Variants in EDIL3 observed in about 807,000 individuals in gnomAD.
EDIL3 encodes EGF-like repeat and discoidin I-like domain-containing protein 3.
In EDIL3, 37 loss-of-function variants were observed where a neutral mutation model predicts 67.4. The observed-to-expected ratio is 0.55, with a 90% CI of 0.42 to 0.72. The LOEUF is 0.72. EDIL3 is among the 30% of genes least tolerant of loss of function. The probability of loss-of-function intolerance (pLI) is 0.00; values close to 1 mark genes in which losing one functional copy is unlikely to be tolerated. For missense variants in EDIL3, 527 were observed against 586.3 expected (o/e 0.90, Z 1.04); for synonymous variants, 195 against 196.3 (o/e 0.99, Z 0.05).
chr5:83,961,744 ATAGT>A (rs2112128179), intron 10 of EDIL3, among the ~76,000 whole-genome samples: 1 of 151,482 alleles, frequency 6.6e-6, no homozygotes, highest in East Asian at 1.9e-4. Context: ...AGGAAGTGAA[ATAGT>A]TATTTGCAAT....
chr5:84,287,774 T>C (rs966120593), intron 1 of EDIL3, among the ~76,000 whole-genome samples: 3 of 152,126 alleles, frequency 2.0e-5, no homozygotes. Flanking sequence ...ACATTTTCTT[T>C]ACTTGGTTTC....
intron 1 of EDIL3, among the ~76,000 whole-genome samples, chr5:84,259,999 C>T (rs185492934): frequency 6.6e-6 from 1 of 152,240 alleles, no homozygotes. Context: ...TACTGAGAAT[C>T]AGGTAGAAAG....
At chr5:84,346,381 T>C (rs908209043) in intron 1 of EDIL3, among the ~76,000 whole-genome samples, 1 of 152,148 alleles carries the variant, frequency 6.6e-6, no homozygotes, top group Non-Finnish European at 1.5e-5. Context: ...CATGAAAGAA[T>C]GGGCTTGGCT....
intron 3 of EDIL3, among the ~76,000 whole-genome samples, chr5:84,229,575 C>T (rs1744524569): frequency 6.6e-6 from 1 of 151,950 alleles, no homozygotes; most frequent in Non-Finnish European, 1.5e-5. Context: ...TCTCATTTTC[C>T]AATTTTCCTT....
rs184477288 is a variant in EDIL3 at position 84,262,775 on chromosome 5, A to G, written c.68-8563T>C. 4.9e-4 allele frequency among the ~76,000 whole-genome samples: 72 copies of G among 145,574 alleles called. 1 individual carries two copies. In the East Asian group the frequency reaches 0.013, roughly 27 times the overall value. On this transcript the variant is annotated intron_variant, in intron 1 of 10. Coordinates refer to ENST00000296591, the MANE Select transcript of EDIL3 (RefSeq NM_005711.5). ...CAACCTCCGCCTCCCAGGTCAGGCA[A>G]TTCTCATGCCTCAGCCTCCTGACTA...
intron 9 of EDIL3, among the ~76,000 whole-genome samples, chr5:83,976,658 C>T (rs570339566): frequency 1.4e-4 from 22 of 151,726 alleles, no homozygotes; most frequent in African/African-American, 5.3e-4. Context: ...CCAACCAACC[C>T]GAGAACTGTG....
At position 84,000,885 on chromosome 5, in the gene EDIL3, A is replaced by T. The variant is rs1335412550; in HGVS notation, c.1138-37525T>A. ...CCTCAATGACCAGTAATAAATAAAT[A>T]AATAAATTTTATTTATTTAAAAATA... On this transcript the variant is annotated intron_variant, in intron 9 of 10. Coordinates refer to ENST00000296591, the MANE Select transcript of EDIL3 (RefSeq NM_005711.5). Among the ~76,000 whole-genome samples the T allele has an allele frequency of 4.6e-5, 7 of 151,768 alleles. No homozygotes were observed. The South Asian group carries it at 1.5e-3, about 31-fold the overall frequency.
rs147822162 is a variant in EDIL3, at chr5:83,991,782, C to G, written c.1138-28422G>C. On this transcript the variant is annotated intron_variant, in intron 9 of 10. Coordinates refer to ENST00000296591, the MANE Select transcript of EDIL3 (RefSeq NM_005711.5). ...CATGCCACCCTTATCACAGGCCGACCGCGGAATTTCCTTCCTACCGTTTTT... is the reference window on the plus strand; with the variant it reads ...CATGCCACCCTTATCACAGGCCGACGGCGGAATTTCCTTCCTACCGTTTTT... Among the ~76,000 whole-genome samples, 24 of 152,206 alleles carry G rather than the reference C, an allele frequency of 1.6e-4. 1 individual carries two copies. Among genetic ancestry groups the G allele is most frequent in the African/African-American group, 4.1e-4 (17 of 41,550 alleles).
chr5:84,039,639 C>T (rs1364600021), intron 9 of EDIL3, among the ~76,000 whole-genome samples: 2 of 152,070 alleles, frequency 1.3e-5, no homozygotes, highest in South Asian at 4.2e-4. Flanking sequence ...GAAATGAAAG[C>T]AAATGAGATG....
chr5:84,089,814 C>A (rs1184357659), intron 6 of EDIL3, among the ~76,000 whole-genome samples: 2 of 152,210 alleles, frequency 1.3e-5, no homozygotes, highest in Non-Finnish European at 2.9e-5. Flanking sequence ...GTTGAGCTTT[C>A]TCCATCCCCA....
At chr5:84,180,663 T>G in intron 3 of EDIL3, 142 bp from the exon 4 acceptor site, 1 of 915,730 alleles carries the variant, frequency 1.1e-6, no homozygotes, top group South Asian at 2.5e-5. Flanking sequence ...GTATGAGCTC[T>G]GGAGACTAAT....
At chr5:84,001,563 A>G (rs780569057) in intron 9 of EDIL3, among the ~76,000 whole-genome samples, 12 of 152,228 alleles carry the variant, frequency 7.9e-5, no homozygotes, top group Non-Finnish European at 1.0e-4. Flanking sequence ...GCCAAAAAAA[A>G]AGAGACAAGA....
At chr5:84,360,462 C>T (rs935799924) in intron 1 of EDIL3, among the ~76,000 whole-genome samples, 1 of 152,076 alleles carries the variant, frequency 6.6e-6, no homozygotes, top group Non-Finnish European at 1.5e-5. Flanking sequence ...TGTTTGAATC[C>T]TGGAAATACA....
chr5:84,145,991 T>C (rs925399001), intron 4 of EDIL3, among the ~76,000 whole-genome samples: 1 of 152,136 alleles, frequency 6.6e-6, no homozygotes, highest in Non-Finnish European at 1.5e-5. Context: ...AAAATCATTA[T>C]GGACCAAGAA....
intron 6 of EDIL3, among the ~76,000 whole-genome samples, chr5:84,085,943 C>T (rs1383972291): frequency 1.3e-5 from 2 of 152,176 alleles, no homozygotes; most frequent in Non-Finnish European, 2.9e-5. Flanking sequence ...TTTGCCGCGC[C>T]TCTTTGGCAC....
intron 9 of EDIL3, among the ~76,000 whole-genome samples, chr5:84,050,018 T>A (rs930942618): frequency 3.3e-5 from 5 of 151,620 alleles, no homozygotes; most frequent in African/African-American, 1.2e-4. Flanking sequence ...GCTAACACGG[T>A]GAAACCCCGT....
At chr5:83,951,710 T>C (rs1046660508) in intron 10 of EDIL3, among the ~76,000 whole-genome samples, 5 of 151,780 alleles carry the variant, frequency 3.3e-5, no homozygotes, top group Non-Finnish European at 7.4e-5. Context: ...AACTGTGTGA[T>C]AGCTTTCTAA....
chr5:84,141,122 C>T (rs897231468), intron 4 of EDIL3, among the ~76,000 whole-genome samples: 4 of 151,988 alleles, frequency 2.6e-5, no homozygotes, highest in Non-Finnish European at 1.5e-5. Flanking sequence ...AAAAAGTCCA[C>T]ATCCATTCCA....
At chr5:84,245,166 G>A (rs1237269163) in intron 2 of EDIL3, among the ~76,000 whole-genome samples, 1 of 151,942 alleles carries the variant, frequency 6.6e-6, no homozygotes. Flanking sequence ...CTTTATATAC[G>A]CCTAGTTCTA....
Sources: gnomAD v4.1 joint callset for allele counts (sites outside exome capture counted in the v4.1 genomes callset) on GRCh38, gnomAD v4.1.1 for gene constraint, MANE v1.5 for transcripts, NCBI Gene and HGNC (gene_info 2026-07-23, HGNC 2026-07-21) for gene names.